Variants in XRCC4 observed in about 807,000 individuals in gnomAD.
The protein encoded by XRCC4 is DNA repair protein XRCC4.
In XRCC4, 28 loss-of-function variants were observed where a neutral mutation model predicts 39.1. The observed-to-expected ratio is 0.72, with a 90% CI of 0.53 to 0.98. The LOEUF is 0.98. Among genes scored for constraint, XRCC4 ranks in the 50% least tolerant of loss-of-function variants. The probability of loss-of-function intolerance (pLI) is 0.00; values close to 1 mark genes in which losing one functional copy is unlikely to be tolerated. For missense variants in XRCC4, 350 were observed against 376.4 expected, an observed-to-expected ratio of 0.93 and a Z score of 0.58; for synonymous variants, 123 against 126.4, an observed-to-expected ratio of 0.97 and a Z score of 0.18.
At chr5:83,093,967 A>G (rs1004515637) in intron 1 of XRCC4, among the ~76,000 whole-genome samples, 1 of 151,976 alleles carries the variant, frequency 6.6e-6, no homozygotes, top group African/African-American at 2.4e-5. Flanking sequence ...TCTGCTAAGA[A>G]GTTTATTGTT....
intron 1 of XRCC4, among the ~76,000 whole-genome samples, chr5:83,082,193 C>T (rs533997911): frequency 1.3e-5 from 2 of 152,254 alleles, no homozygotes; most frequent in African/African-American, 4.8e-5. Flanking sequence ...CAGTCCTTGC[C>T]TCCCTACAGT....
chr5:83,142,306 AC>A (rs1748217888), intron 3 of XRCC4, among the ~76,000 whole-genome samples: 1 of 42,614 alleles, frequency 2.3e-5, no homozygotes, highest in Non-Finnish European at 4.9e-5. Flanking sequence ...GAGGAAACTA[AC>A]TCTCAGTGGT....
At chr5:83,149,073 G>C (rs1219121631) in intron 3 of XRCC4, among the ~76,000 whole-genome samples, 1 of 152,076 alleles carries the variant, frequency 6.6e-6, no homozygotes, top group Non-Finnish European at 1.5e-5. Context: ...AGTGCATTTT[G>C]CTTTAATTAT....
At chr5:83,124,402 CCCT>C (rs2112454595) in intron 3 of XRCC4, among the ~76,000 whole-genome samples, 1 of 152,154 alleles carries the variant, frequency 6.6e-6, no homozygotes, top group South Asian at 2.1e-4. Flanking sequence ...TTTTCACTGA[CCCT>C]AATACTTTTG....
chr5:83,107,454 T>G (rs1746250846), intron 2 of XRCC4, among the ~76,000 whole-genome samples: 1 of 151,932 alleles, frequency 6.6e-6, no homozygotes, highest in African/African-American at 2.4e-5. Context: ...TTTATTTGAG[T>G]GAAATTAAAA....
chr5:83,367,306 CTA>C, the XRCC4 span, among the ~76,000 whole-genome samples: 1,928 of 152,282 alleles, frequency 0.013, 34 homozygotes, highest in African/African-American at 0.043. Flanking sequence ...TATTACATGT[CTA>C]TGTGCAAATC....
chr5:83,213,097 T>C (rs1751718472), intron 6 of XRCC4, among the ~76,000 whole-genome samples: 1 of 152,022 alleles, frequency 6.6e-6, no homozygotes, highest in African/African-American at 2.4e-5. Context: ...GTATAGCATT[T>C]ACAAAATTCT....
In XRCC4 at chr5:83,287,929, A is replaced by G. The variant is rs183850782; in HGVS notation, c.893+29252A>G. 1.1e-3 allele frequency among the ~76,000 whole-genome samples: 164 copies of G among 151,918 alleles called. 4 individuals are homozygous for G. The highest frequency in any genetic ancestry group is 0.011 in the Admixed American group (163 of 15,214). On this transcript the variant is annotated intron_variant, in intron 7 of 7. Coordinates refer to ENST00000396027, the MANE Select transcript of XRCC4 (RefSeq NM_003401.5). Reference sequence around the variant, plus strand: ...TTCAAATATATGCATTTAAGGCTATAAATTTCCTCTCTAAGCACTGCTTTC... The same window carrying G: ...TTCAAATATATGCATTTAAGGCTATGAATTTCCTCTCTAAGCACTGCTTTC...
chr5:83,115,669 C>A (rs1489012718), intron 3 of XRCC4, among the ~76,000 whole-genome samples: 1 of 152,116 alleles, frequency 6.6e-6, no homozygotes, highest in Non-Finnish European at 1.5e-5. Context: ...TGAAAGTAAA[C>A]AACTTTATCA....
At chr5:83,194,364 A>C (rs1750851135) in intron 3 of XRCC4, among the ~76,000 whole-genome samples, 1 of 152,226 alleles carries the variant, frequency 6.6e-6, no homozygotes, top group Non-Finnish European at 1.5e-5. Flanking sequence ...TTTCTTATTT[A>C]AGCTTATATG....
chr5:83,237,107 G>T (rs1467339482), intron 6 of XRCC4, among the ~76,000 whole-genome samples: 2 of 151,816 alleles, frequency 1.3e-5, no homozygotes, highest in African/African-American at 4.8e-5. Context: ...GTGTAATCTT[G>T]GTGGGAATGT....
chr5:83,109,407 T>C (rs1430172262), intron 2 of XRCC4, among the ~76,000 whole-genome samples: 1 of 151,918 alleles, frequency 6.6e-6, no homozygotes, highest in Non-Finnish European at 1.5e-5. Flanking sequence ...GTTTTCTCTT[T>C]TGCAAAATGA....
intron 3 of XRCC4, among the ~76,000 whole-genome samples, chr5:83,146,477 T>C (rs1748458630): frequency 6.6e-6 from 1 of 152,180 alleles, no homozygotes; most frequent in Non-Finnish European, 1.5e-5. Flanking sequence ...ATTATTAATA[T>C]GAATGTCTGA....
At chr5:83,148,327 GT>G (rs1194811811) in intron 3 of XRCC4, among the ~76,000 whole-genome samples, 1 of 152,084 alleles carries the variant, frequency 6.6e-6, no homozygotes, top group Non-Finnish European at 1.5e-5. Context: ...CCTTCTTTCT[GT>G]TTTTTAGATA....
the XRCC4 span, among the ~76,000 whole-genome samples, chr5:83,360,769 C>A: frequency 6.6e-6 from 1 of 151,604 alleles, no homozygotes; most frequent in African/African-American, 2.4e-5. Flanking sequence ...AAGAGCCGTC[C>A]AGCTGAGCCC....
At chr5:83,262,547 T>C (rs905427227) in intron 7 of XRCC4, among the ~76,000 whole-genome samples, 2 of 152,084 alleles carry the variant, frequency 1.3e-5, no homozygotes, top group Non-Finnish European at 2.9e-5. Context: ...GCAAAGCTTT[T>C]AGAGACTTCA....
intron 7 of XRCC4, among the ~76,000 whole-genome samples, chr5:83,324,576 A>G (rs1756185507): frequency 2.0e-5 from 3 of 152,298 alleles, no homozygotes; most frequent in African/African-American, 2.4e-5. Context: ...ATAAGATGCC[A>G]TTGGCTTTTG....
At chr5:83,083,525 T>C (rs1745051540) in intron 1 of XRCC4, among the ~76,000 whole-genome samples, 1 of 151,932 alleles carries the variant, frequency 6.6e-6, no homozygotes, top group East Asian at 1.9e-4. Flanking sequence ...TACAGGTGCA[T>C]GCCACCATGC....
At chr5:83,350,041 G>T (rs1252156389) in intron 7 of XRCC4, among the ~76,000 whole-genome samples, 1 of 152,098 alleles carries the variant, frequency 6.6e-6, no homozygotes, top group South Asian at 2.1e-4. Context: ...GCATTAATTT[G>T]CTCTGAATTA....
Sources: allele counts gnomAD v4.1 joint callset (sites outside exome capture counted in the v4.1 genomes callset), GRCh38; gene constraint gnomAD v4.1.1; transcripts MANE v1.5; gene names NCBI Gene and HGNC (gene_info 2026-07-23, HGNC 2026-07-21).